DLG2: variants seen among roughly 807,000 people sequenced by gnomAD.
DLG2 encodes discs large MAGUK scaffold protein 2, also known as disks large homolog 2.
A neutral mutation model predicts 132.5 loss-of-function variants in DLG2; 45 were observed. That is an observed-to-expected ratio of 0.34 (90% confidence interval 0.27 to 0.44). DLG2 has a LOEUF of 0.44. Among genes scored for constraint, DLG2 ranks in the 20% least tolerant of loss-of-function variants. DLG2 has a pLI of 1.00. For synonymous variants in DLG2, 424 were observed against 419.6 expected (o/e 1.01, Z -0.13); for missense variants, 1,045 against 1,196.9 (o/e 0.87, Z 1.87).
intron 19 of DLG2, among the ~76,000 whole-genome samples, chr11:83,566,772 A>G (rs897810928): frequency 6.7e-6 from 1 of 148,486 alleles, no homozygotes; most frequent in Non-Finnish European, 1.5e-5. Flanking sequence ...CAATGCTAGA[A>G]ACATTCTTTC....
chr11:84,232,332 G>T (rs753582018), intron 8 of DLG2, among the ~76,000 whole-genome samples: 12 of 152,074 alleles, frequency 7.9e-5, no homozygotes, highest in Non-Finnish European at 1.6e-4. Context: ...CACAAGAGTG[G>T]AAATTATGTC....
At chr11:84,668,157 C>A (rs2099701880) in intron 6 of DLG2, among the ~76,000 whole-genome samples, 1 of 152,006 alleles carries the variant, frequency 6.6e-6, no homozygotes, top group Non-Finnish European at 1.5e-5. Context: ...AGAGGGTACC[C>A]TTGATAAATA....
intron 6 of DLG2, among the ~76,000 whole-genome samples, chr11:84,746,343 A>G (rs1345148827): frequency 2.6e-5 from 4 of 151,996 alleles, no homozygotes; most frequent in Non-Finnish European, 5.9e-5. Flanking sequence ...TTACTACTGA[A>G]TAAAGGTGAC....
intron 27 of DLG2, among the ~76,000 whole-genome samples, chr11:83,460,980 C>T (rs1182205244): frequency 6.7e-6 from 1 of 148,544 alleles, no homozygotes; most frequent in African/African-American, 2.5e-5. Flanking sequence ...ATATGGTAAT[C>T]CAGGAAGAAA....
rs566718231 is a variant in DLG2, at chr11:84,577,677, G to C, written c.358-42946C>G. Among the ~76,000 whole-genome samples the C allele has an allele frequency of 1.2e-4, 18 of 152,262 alleles. 1 individual carries two copies. In the South Asian group the frequency reaches 3.7e-3, roughly 32 times the overall value. ...TGTTAAAAGCATTCCATGTGAAACG[G>C]AGCATAAAAGTTCAGAAAATTTGCA... On this transcript the variant is annotated intron_variant, in intron 6 of 27. Coordinates refer to ENST00000376104, the MANE Select transcript of DLG2 (RefSeq NM_001142699.3).
chr11:84,001,685 T>C (rs746578859), intron 11 of DLG2, among the ~76,000 whole-genome samples: 4 of 152,106 alleles, frequency 2.6e-5, no homozygotes, highest in South Asian at 2.1e-4. Flanking sequence ...ATAGTAGATA[T>C]GTCAGGTCAC....
At chr11:85,456,543 C>T (rs1403260162) in intron 3 of DLG2, among the ~76,000 whole-genome samples, 1 of 151,994 alleles carries the variant, frequency 6.6e-6, no homozygotes, top group Non-Finnish European at 1.5e-5. Flanking sequence ...TCTCTAGTTT[C>T]TCAAGGTGTG....
intron 7 of DLG2, among the ~76,000 whole-genome samples, chr11:84,385,653 G>A (rs746657156): frequency 2.4e-4 from 36 of 151,988 alleles, no homozygotes; most frequent in Non-Finnish European, 4.3e-4. Flanking sequence ...TCCAGGGCCT[G>A]GAATAGTGCC....
At chr11:83,494,954 A>G (rs1008910065) in intron 21 of DLG2, among the ~76,000 whole-genome samples, 2 of 152,084 alleles carry the variant, frequency 1.3e-5, no homozygotes, top group Non-Finnish European at 2.9e-5. Context: ...TATCTCCTGG[A>G]GTGTTTGTTT....
At chr11:85,132,795 C>T (rs1400512009) in intron 5 of DLG2, 1 of 456,668 alleles carries the variant, frequency 2.2e-6, no homozygotes, top group Non-Finnish European at 4.4e-6. Context: ...ACAGGCAATC[C>T]ATCCTGGATC....
intron 3 of DLG2, among the ~76,000 whole-genome samples, chr11:85,585,663 T>C (rs1413683438): frequency 6.6e-6 from 1 of 152,150 alleles, no homozygotes; most frequent in African/African-American, 2.4e-5. Flanking sequence ...CTCCATCTAT[T>C]GAGATGATCA....
At chr11:85,322,808 A>C (rs186836255) in intron 3 of DLG2, among the ~76,000 whole-genome samples, 1 of 152,114 alleles carries the variant, frequency 6.6e-6, no homozygotes, top group African/African-American at 2.4e-5. Flanking sequence ...GATCCTATAT[A>C]ATAAATATCT....
chr11:84,024,004 T>G (rs944095094), intron 11 of DLG2, among the ~76,000 whole-genome samples: 1 of 152,202 alleles, frequency 6.6e-6, no homozygotes, highest in Non-Finnish European at 1.5e-5. Flanking sequence ...GTTAATTGAC[T>G]ATGTTACTGG....
At chr11:84,221,470 T>C (rs941803759) in intron 8 of DLG2, among the ~76,000 whole-genome samples, 1 of 151,552 alleles carries the variant, frequency 6.6e-6, no homozygotes, top group African/African-American at 2.4e-5. Context: ...TCTCAAATAA[T>C]AATAATAATA....
intron 4 of DLG2, among the ~76,000 whole-genome samples, chr11:85,259,478 C>A (rs1332764910): frequency 1.3e-5 from 2 of 152,076 alleles, no homozygotes; most frequent in Non-Finnish European, 2.9e-5. Flanking sequence ...TGTTGCCTTA[C>A]TTTAAGACTA....
chr11:84,321,785 T>C (rs2098406159), intron 7 of DLG2, among the ~76,000 whole-genome samples: 1 of 152,194 alleles, frequency 6.6e-6, no homozygotes, highest in Non-Finnish European at 1.5e-5. Flanking sequence ...CAGATTGCCA[T>C]CCAGATCTCT....
At chr11:83,534,545 A>C (rs1468785525) in intron 20 of DLG2, among the ~76,000 whole-genome samples, 2 of 152,230 alleles carry the variant, frequency 1.3e-5, no homozygotes, top group Admixed American at 6.5e-5. Context: ...CTATAGTTAC[A>C]GAATGGAATT....
At chr11:84,503,180 C>A (rs757671168) in intron 7 of DLG2, among the ~76,000 whole-genome samples, 3 of 152,094 alleles carry the variant, frequency 2.0e-5, no homozygotes, top group Non-Finnish European at 4.4e-5. Context: ...TGGAATAAAC[C>A]TTTGCATTGG....
intron 6 of DLG2, among the ~76,000 whole-genome samples, chr11:85,046,057 C>G (rs954223462): frequency 1.3e-5 from 2 of 152,022 alleles, no homozygotes; most frequent in African/African-American, 4.8e-5. Flanking sequence ...CCTCAAAACT[C>G]TGACAGCAAC....
Sources: allele counts gnomAD v4.1 joint callset (sites outside exome capture counted in the v4.1 genomes callset), GRCh38; gene constraint gnomAD v4.1.1; transcripts MANE v1.5; gene names NCBI Gene and HGNC (gene_info 2026-07-23, HGNC 2026-07-21).